RNFT2: variants seen among roughly 807,000 people sequenced by gnomAD.
The protein encoded by RNFT2 is E3 ubiquitin-protein ligase RNFT2.
In RNFT2, 36 loss-of-function variants were observed where a neutral mutation model predicts 53.0. The ratio of observed to expected loss-of-function variants is 0.68; its 90% CI spans 0.52 to 0.90. RNFT2 has a LOEUF of 0.90. Among genes scored for constraint, RNFT2 ranks in the 40% least tolerant of loss-of-function variants. The pLI is 0.00. For missense variants in RNFT2, 514 were observed against 585.6 expected (o/e 0.88, Z 1.26); for synonymous variants, 260 against 253.2 (o/e 1.03, Z -0.26).
In RNFT2 at chr12:116,750,132, C is replaced by G. The variant is rs752969727; in HGVS notation, c.375C>G (p.Ser125=). The change falls in exon 4 of 11, where the codon TCC becomes TCG. Residue 125 remains serine, a synonymous_variant. Coordinates refer to ENST00000257575, the MANE Select transcript of RNFT2 (RefSeq NM_001382266.1). Reference sequence around the variant, plus strand: ...ACCATGGCGGCCACCGCGGGGGCTCCCTGCTGCAGCACGTGGGTGGGGACC... The same window carrying G: ...ACCATGGCGGCCACCGCGGGGGCTCGCTGCTGCAGCACGTGGGTGGGGACC... ...HFHHGGHRGG[S]LLQHVGGDHR... The G allele has an allele frequency of 6.3e-7, 1 of 1,578,888 alleles. No individual in the cohort carries two copies. Among genetic ancestry groups the G allele is most frequent in the African/African-American group, 1.3e-5 (1 of 74,402 alleles).
intron 10 of RNFT2, among the ~76,000 whole-genome samples, chr12:116,840,616 A>G (rs73405197): frequency 0.023 from 3,468 of 152,288 alleles, 143 homozygotes; most frequent in African/African-American, 0.08. Context: ...TCCTCCATCC[A>G]GTCATCTATG....
chr12:116,841,972 G>T (rs1349126590), intron 10 of RNFT2, among the ~76,000 whole-genome samples: 11 of 132,936 alleles, frequency 8.3e-5, no homozygotes, highest in South Asian at 2.3e-4. Context: ...GAGAGAGAGA[G>T]AGAGAGAGAG....
intron 7 of RNFT2, among the ~76,000 whole-genome samples, chr12:116,801,804 T>TTTG (rs1555207221): frequency 7.4e-5 from 11 of 148,242 alleles, no homozygotes; most frequent in African/African-American, 2.6e-4. Flanking sequence ...GTGGGGTTTT[T>TTTG]TTTGTTTGTT....
intron 7 of RNFT2, among the ~76,000 whole-genome samples, chr12:116,786,296 A>G (rs1196338995): frequency 6.6e-6 from 1 of 151,712 alleles, no homozygotes; most frequent in Non-Finnish European, 1.5e-5. Context: ...TAATTTTTGT[A>G]TTTTTAGTTT....
intron 7 of RNFT2, among the ~76,000 whole-genome samples, chr12:116,798,198 C>G (rs1161942359): frequency 6.6e-6 from 1 of 151,114 alleles, no homozygotes; most frequent in Non-Finnish European, 1.5e-5. Flanking sequence ...GAGAGAGAGG[C>G]CTGGGAAACA....
chr12:116,758,606 C>T (rs1245172789), intron 5 of RNFT2, among the ~76,000 whole-genome samples: 1 of 152,070 alleles, frequency 6.6e-6, no homozygotes, highest in East Asian at 1.9e-4. Flanking sequence ...TGTATCTTTC[C>T]TTCATATATG....
chr12:116,776,498 A>G (rs1211480996), intron 6 of RNFT2, among the ~76,000 whole-genome samples: 1 of 152,092 alleles, frequency 6.6e-6, no homozygotes, highest in African/African-American at 2.4e-5. Flanking sequence ...CTGGATGACC[A>G]CTCCAACTTG....
intron 7 of RNFT2, among the ~76,000 whole-genome samples, chr12:116,825,969 T>C (rs1166798854): frequency 6.6e-6 from 1 of 152,128 alleles, no homozygotes; most frequent in African/African-American, 2.4e-5. Context: ...ATAAATATTA[T>C]TCATCTTGAT....
In RNFT2 at chr12:116,841,976, GAGAGA is replaced by G. The variant is rs1565876332; in HGVS notation, c.1200+5695_1200+5699del. On this transcript the variant is annotated intron_variant, in intron 10 of 10. Transcript: ENST00000257575. ...ATATATATAGAGAGAGAGAGAGAGA[GAGAGA>G]GAGAGGGAGGATCCAGGTACAACTT... Among the ~76,000 whole-genome samples, 264 of 135,100 alleles carry G rather than the reference GAGAGA, an allele frequency of 2.0e-3. 11 individuals carry two copies. The highest frequency in any genetic ancestry group is 7.0e-3 in the African/African-American group (252 of 35,812). 88.6% of individuals were successfully genotyped at this position (135,100 alleles called of 152,430 possible).
intron 7 of RNFT2, among the ~76,000 whole-genome samples, chr12:116,816,813 G>A (rs1427722975): frequency 6.6e-6 from 1 of 152,026 alleles, no homozygotes; most frequent in Non-Finnish European, 1.5e-5. Context: ...AAAATAACAT[G>A]TATGAGGTAT....
At chr12:116,819,168 G>A (rs981302344) in intron 7 of RNFT2, among the ~76,000 whole-genome samples, 2 of 152,250 alleles carry the variant, frequency 1.3e-5, no homozygotes, top group Non-Finnish European at 2.9e-5. Context: ...TAGGGGAGCT[G>A]ATGAGGTCAC....
At chr12:116,779,494 C>G in intron 7 of RNFT2, 146 bp downstream of exon 7, 1 of 829,170 alleles carries the variant, frequency 1.2e-6, no homozygotes, top group Non-Finnish European at 1.9e-6. Context: ...TAGCTCCTGT[C>G]ACCCACCTCT....
At chr12:116,837,533 T>C (rs1877042587) in intron 10 of RNFT2, among the ~76,000 whole-genome samples, 1 of 152,090 alleles carries the variant, frequency 6.6e-6, no homozygotes, top group Admixed American at 6.6e-5. Context: ...TTTGTTGCTG[T>C]TGTTATTGCT....
intron 3 of RNFT2, among the ~76,000 whole-genome samples, chr12:116,745,948 G>C (rs573115028): frequency 1.3e-5 from 2 of 151,966 alleles, no homozygotes; most frequent in Non-Finnish European, 2.9e-5. Flanking sequence ...TCACTGTAGC[G>C]GGGGGCAGTG....
At chr12:116,816,640 G>C (rs752813445) in intron 7 of RNFT2, among the ~76,000 whole-genome samples, 2 of 152,162 alleles carry the variant, frequency 1.3e-5, no homozygotes, top group African/African-American at 2.4e-5. Flanking sequence ...TCCCACCTCT[G>C]CTACATCTGA....
chr12:116,791,960 T>A (rs1169370547), intron 7 of RNFT2, among the ~76,000 whole-genome samples: 5 of 152,210 alleles, frequency 3.3e-5, no homozygotes, highest in Non-Finnish European at 5.9e-5. Flanking sequence ...ATGTGGAGAT[T>A]TGAACTCAGG....
intron 7 of RNFT2, among the ~76,000 whole-genome samples, chr12:116,794,340 G>A (rs1874382627): frequency 6.6e-6 from 1 of 152,104 alleles, no homozygotes; most frequent in Non-Finnish European, 1.5e-5. Context: ...GTTCACGTTT[G>A]TAATCCCAGC....
At chr12:116,749,309 T>A (rs1490896742) in intron 3 of RNFT2, among the ~76,000 whole-genome samples, 1 of 118,044 alleles carries the variant, frequency 8.5e-6, no homozygotes. Flanking sequence ...TGAGACAGGC[T>A]CTCTGTCGCC....
intron 5 of RNFT2, among the ~76,000 whole-genome samples, chr12:116,764,212 G>A (rs1243323449): frequency 6.6e-6 from 1 of 151,848 alleles, no homozygotes; most frequent in Non-Finnish European, 1.5e-5. Context: ...GGAAAGAGTG[G>A]GAAGGGAGTG....
Sources: gnomAD v4.1 joint callset for allele counts (sites outside exome capture counted in the v4.1 genomes callset) on GRCh38, gnomAD v4.1.1 for gene constraint, MANE v1.5 for transcripts, NCBI Gene and HGNC (gene_info 2026-07-23, HGNC 2026-07-21) for gene names.